The following WWOX variants were observed in gnomAD, a reference collection of about 807,000 sequenced individuals.
The protein encoded by WWOX is WW domain-containing oxidoreductase.
WWOX carries 69 observed loss-of-function variants against 46.2 expected under a neutral mutation model. The ratio of observed to expected loss-of-function variants is 1.49; its 90% CI spans 1.23 to 1.82. WWOX has a LOEUF of 1.82. Ranked by LOEUF, WWOX falls within the 40% of genes most tolerant of loss-of-function variation. The pLI, the probability that WWOX is intolerant of heterozygous loss-of-function variation, is 0.00. For synonymous variants in WWOX, 359 were observed against 202.6 expected (o/e 1.77, Z -6.56); for missense variants, 919 against 542.6 (o/e 1.69, Z -6.89).
chr16:79,137,860 G>A (rs2050013121), intron 8 of WWOX, among the ~76,000 whole-genome samples: 1 of 152,004 alleles, frequency 6.6e-6, no homozygotes, highest in Non-Finnish European at 1.5e-5. Context: ...CTGGGTCTGT[G>A]CCTCCACAAA....
chr16:78,310,245 C>G (rs765077529), intron 5 of WWOX, among the ~76,000 whole-genome samples: 1 of 152,214 alleles, frequency 6.6e-6, no homozygotes. Flanking sequence ...ACACAACCCA[C>G]TGAAATTTCA....
intron 8 of WWOX, among the ~76,000 whole-genome samples, chr16:78,878,252 G>C (rs184800584): frequency 6.6e-6 from 1 of 152,152 alleles, no homozygotes; most frequent in Non-Finnish European, 1.5e-5. Flanking sequence ...GCAGATGACT[G>C]AGCTTGTCTG....
chr16:79,154,871 A>C (rs1597427054), intron 8 of WWOX, among the ~76,000 whole-genome samples: 1 of 152,212 alleles, frequency 6.6e-6, no homozygotes, highest in South Asian at 2.1e-4. Flanking sequence ...TTAGGCTCTC[A>C]GTGCCTGTTT....
At chr16:78,981,021 C>A (rs934298689) in intron 8 of WWOX, among the ~76,000 whole-genome samples, 1 of 152,148 alleles carries the variant, frequency 6.6e-6, no homozygotes, top group Non-Finnish European at 1.5e-5. Flanking sequence ...CGCTGTGTTG[C>A]GTCATCATGG....
At chr16:78,490,239 A>G (rs976598193) in intron 8 of WWOX, among the ~76,000 whole-genome samples, 2 of 128,398 alleles carry the variant, frequency 1.6e-5, no homozygotes, top group African/African-American at 3.5e-5. Context: ...ATATGGTCCC[A>G]TGATCATCAA....
chr16:78,647,995 T>C (rs1325974949), intron 8 of WWOX, among the ~76,000 whole-genome samples: 1 of 152,240 alleles, frequency 6.6e-6, no homozygotes, highest in East Asian at 1.9e-4. Context: ...TCGCTTAGTA[T>C]TTTCCATTAT....
At chr16:78,373,226 A>C (rs867726283) in intron 5 of WWOX, among the ~76,000 whole-genome samples, 3 of 152,174 alleles carry the variant, frequency 2.0e-5, no homozygotes, top group Non-Finnish European at 4.4e-5. Flanking sequence ...CTTATGAGTT[A>C]TGGCAGAGCA....
At chr16:78,261,918 T>G (rs2079252887) in intron 5 of WWOX, among the ~76,000 whole-genome samples, 1 of 150,534 alleles carries the variant, frequency 6.6e-6, no homozygotes, top group African/African-American at 2.4e-5. Flanking sequence ...AAGTTAAATT[T>G]TAGATCAATA....
chr16:79,093,850 C>T (rs2049014161), intron 8 of WWOX, among the ~76,000 whole-genome samples: 1 of 152,190 alleles, frequency 6.6e-6, no homozygotes. Context: ...AAAAGGGGAA[C>T]CGAGTGACTC....
intron 8 of WWOX, among the ~76,000 whole-genome samples, chr16:79,046,698 C>T (rs1401863803): frequency 3.3e-5 from 5 of 152,180 alleles, no homozygotes; most frequent in Non-Finnish European, 2.9e-5. Flanking sequence ...TGAACCGACT[C>T]TGGTAGATTC....
chr16:78,173,328 A>AC (rs1186383825), intron 5 of WWOX, among the ~76,000 whole-genome samples: 2 of 151,900 alleles, frequency 1.3e-5, no homozygotes, highest in Non-Finnish European at 2.9e-5. Context: ...TTGCTCTGTC[A>AC]CCCAGGCTGG....
At chr16:78,643,568 C>T (rs1486607721) in intron 8 of WWOX, among the ~76,000 whole-genome samples, 1 of 152,164 alleles carries the variant, frequency 6.6e-6, no homozygotes, top group Non-Finnish European at 1.5e-5. Context: ...CAGAGCCTTC[C>T]AGCCCCCTGT....
rs185987844 is a variant in WWOX at position 78,376,307 on chromosome 16, G to C, written c.517-10553G>C. Among the ~76,000 whole-genome samples, 14 of 152,290 alleles carry C rather than the reference G, an allele frequency of 9.2e-5. No individual in the cohort carries two copies. The East Asian group carries it at 2.7e-3, about 29-fold the overall frequency. On this transcript the variant is annotated intron_variant, in intron 5 of 8. Transcript: ENST00000566780. ...TATGTGGGGGCGGTTTTTAATGAAT[G>C]ATTGAACATTCTTTAGTGGAACTAC...
chr16:78,478,418 C>T (rs775608223), intron 8 of WWOX, among the ~76,000 whole-genome samples: 1 of 152,108 alleles, frequency 6.6e-6, no homozygotes, highest in Non-Finnish European at 1.5e-5. Context: ...GCCATATTTA[C>T]CACCCCGGGG....
At chr16:78,336,748 T>C (rs886947799) in intron 5 of WWOX, among the ~76,000 whole-genome samples, 2 of 152,114 alleles carry the variant, frequency 1.3e-5, no homozygotes, top group African/African-American at 4.8e-5. Flanking sequence ...CTTATAAAAA[T>C]GGTATTTCCT....
chr16:78,960,089 T>C (rs981976273), intron 8 of WWOX, among the ~76,000 whole-genome samples: 1 of 152,134 alleles, frequency 6.6e-6, no homozygotes, highest in African/African-American at 2.4e-5. Context: ...GTCAGGGTCA[T>C]TGTCAAAGAG....
intron 8 of WWOX, among the ~76,000 whole-genome samples, chr16:78,842,563 G>A (rs555123945): frequency 6.6e-6 from 1 of 152,236 alleles, no homozygotes; most frequent in South Asian, 2.1e-4. Context: ...TGGAAACAGT[G>A]TACATAGAAT....
At chr16:79,190,262 T>G (rs1429684740) in intron 8 of WWOX, among the ~76,000 whole-genome samples, 6 of 151,926 alleles carry the variant, frequency 3.9e-5, no homozygotes, top group Non-Finnish European at 7.4e-5. Flanking sequence ...TGACCTCAAG[T>G]GATCTGCCTG....
intron 5 of WWOX, among the ~76,000 whole-genome samples, chr16:78,247,554 A>G (rs976769131): frequency 1.3e-5 from 2 of 152,120 alleles, no homozygotes; most frequent in Non-Finnish European, 2.9e-5. Context: ...TTCAACTGCA[A>G]TCTCTATTTC....
Sources: gnomAD v4.1 joint callset for allele counts (sites outside exome capture counted in the v4.1 genomes callset) on GRCh38, gnomAD v4.1.1 for gene constraint, MANE v1.5 for transcripts, NCBI Gene and HGNC (gene_info 2026-07-23, HGNC 2026-07-21) for gene names.